The following RABL3 variants were observed in gnomAD, a reference collection of about 807,000 sequenced individuals.
RABL3 encodes RAB, member of RAS oncogene family like 3.
In RABL3, 31 loss-of-function variants were observed where a neutral mutation model predicts 31.8. That is an observed-to-expected ratio of 0.97 (90% confidence interval 0.73 to 1.31). RABL3 has a LOEUF of 1.31. Among genes scored for constraint, RABL3 ranks in the 40% most tolerant of loss-of-function variants. The pLI is 0.00. For missense variants in RABL3, 263 were observed against 279.6 expected (o/e 0.94, Z 0.42); for synonymous variants, 97 against 99.9 (o/e 0.97, Z 0.18).
chr3:120,715,301 G>C (rs114138346), intron 2 of RABL3, among the ~76,000 whole-genome samples: 1 of 152,340 alleles, frequency 6.6e-6, no homozygotes, highest in African/African-American at 2.4e-5. Context: ...CACATTTGGA[G>C]TCTGAGGCAG....
At chr3:120,736,794 C>G (rs1708972585) in intron 1 of RABL3, among the ~76,000 whole-genome samples, 1 of 152,144 alleles carries the variant, frequency 6.6e-6, no homozygotes, top group Non-Finnish European at 1.5e-5. Flanking sequence ...ATTTATGAAG[C>G]TTAGTTTGGC....
At chr3:120,695,072 C>T (rs192272599) in intron 5 of RABL3, among the ~76,000 whole-genome samples, 193 of 151,656 alleles carry the variant, frequency 1.3e-3, no homozygotes, top group Non-Finnish European at 2.3e-3. Context: ...ATCATGTAAG[C>T]TCCTTTGCAA....
At chr3:120,707,047 A>G (rs1030998505) in intron 3 of RABL3, among the ~76,000 whole-genome samples, 1 of 152,130 alleles carries the variant, frequency 6.6e-6, no homozygotes, top group East Asian at 1.9e-4. Context: ...CAAACTCCCA[A>G]CCCTTTTCTA....
chr3:120,713,881 G>A (rs1425014306), intron 2 of RABL3, among the ~76,000 whole-genome samples: 1 of 144,686 alleles, frequency 6.9e-6, no homozygotes, highest in East Asian at 2.1e-4. Context: ...CATGATTTCA[G>A]CTCACTGCAA....
chr3:120,732,977 G>A (rs948735113), intron 1 of RABL3, among the ~76,000 whole-genome samples: 5 of 152,100 alleles, frequency 3.3e-5, no homozygotes, highest in African/African-American at 1.2e-4. Flanking sequence ...GGACATTTGG[G>A]TTGGTTCCAA....
At chr3:120,717,009 T>C (rs750648370) in intron 2 of RABL3, among the ~76,000 whole-genome samples, 1 of 152,040 alleles carries the variant, frequency 6.6e-6, no homozygotes, top group Non-Finnish European at 1.5e-5. Flanking sequence ...TCCCAGCACG[T>C]TGGGAGGCCT....
At chr3:120,712,235 T>A (rs1440832622) in intron 2 of RABL3, among the ~76,000 whole-genome samples, 1 of 152,056 alleles carries the variant, frequency 6.6e-6, no homozygotes, top group African/African-American at 2.4e-5. Context: ...CAGACTGACA[T>A]CAAAGACAGT....
chr3:120,736,941 T>C (rs564411686), intron 1 of RABL3, among the ~76,000 whole-genome samples: 163 of 152,354 alleles, frequency 1.1e-3, no homozygotes, highest in African/African-American at 3.8e-3. Context: ...GACTTTTCTC[T>C]CTGGCTGCCC....
chr3:120,698,736 TC>T (rs2107577486), intron 4 of RABL3, among the ~76,000 whole-genome samples, 163 bp from the exon 5 acceptor site: 1 of 152,358 alleles, frequency 6.6e-6, no homozygotes, highest in East Asian at 1.9e-4. Flanking sequence ...ATCTACTTGT[TC>T]TTTTATCAAT....
intron 4 of RABL3, among the ~76,000 whole-genome samples, 195 bp from the exon 5 acceptor site, chr3:120,698,768 C>T (rs1244228774): frequency 6.6e-6 from 1 of 152,172 alleles, no homozygotes; most frequent in Admixed American, 6.5e-5. Context: ...CATCAGATTC[C>T]AGCTATTCAT....
At chr3:120,725,730 A>C (rs1708811090) in intron 2 of RABL3, among the ~76,000 whole-genome samples, 1 of 152,198 alleles carries the variant, frequency 6.6e-6, no homozygotes, top group Non-Finnish European at 1.5e-5. Context: ...TCTCACTCAT[A>C]GGTGGGAATT....
chr3:120,742,611 T>A (rs1051295934), upstream of RABL3: 1 of 1,134,724 alleles, frequency 8.8e-7, no homozygotes, highest in East Asian at 2.4e-5. Context: ...ACTCGGAGCG[T>A]GACTGTCTTG....
chr3:120,736,336 G>A (rs1262955156), intron 1 of RABL3, among the ~76,000 whole-genome samples: 1 of 152,136 alleles, frequency 6.6e-6, no homozygotes, highest in African/African-American at 2.4e-5. Context: ...GTTGTTTAAA[G>A]TCTGTTTTAT....
chr3:120,736,735 C>G (rs1231326974), intron 1 of RABL3, among the ~76,000 whole-genome samples: 1 of 152,136 alleles, frequency 6.6e-6, no homozygotes, highest in African/African-American at 2.4e-5. Context: ...CTGGTGGTGA[C>G]AAAATCTCTC....
At chr3:120,721,367 C>G (rs551665656) in intron 2 of RABL3, among the ~76,000 whole-genome samples, 1 of 152,294 alleles carries the variant, frequency 6.6e-6, no homozygotes, top group East Asian at 1.9e-4. Flanking sequence ...GGGCTAAATG[C>G]TCCAATTAAA....
chr3:120,727,831 A>T (rs1180795094), intron 2 of RABL3, among the ~76,000 whole-genome samples: 1 of 152,242 alleles, frequency 6.6e-6, no homozygotes, highest in African/African-American at 2.4e-5. Flanking sequence ...TAATGGAATA[A>T]ATCAGAAAAA....
At chr3:120,739,887 C>T (rs976694018) in intron 1 of RABL3, among the ~76,000 whole-genome samples, 7 of 152,132 alleles carry the variant, frequency 4.6e-5, no homozygotes, top group African/African-American at 1.7e-4. Context: ...TTGTATAGCT[C>T]TCCATGAATT....
chr3:120,729,664 T>C (rs1576346170), intron 2 of RABL3, among the ~76,000 whole-genome samples: 1 of 152,082 alleles, frequency 6.6e-6, no homozygotes, highest in Non-Finnish European at 1.5e-5. Flanking sequence ...GTACTTGGAA[T>C]GAAAAACTGT....
chr3:120,692,105 G>C (rs1708386242), intron 6 of RABL3, among the ~76,000 whole-genome samples: 1 of 152,170 alleles, frequency 6.6e-6, no homozygotes, highest in Admixed American at 6.5e-5. Flanking sequence ...CTCTATGGCA[G>C]GACAGGAAAA....
Sources: allele counts gnomAD v4.1 joint callset (sites outside exome capture counted in the v4.1 genomes callset), GRCh38; gene constraint gnomAD v4.1.1; transcripts MANE v1.5; gene names NCBI Gene and HGNC (gene_info 2026-07-23, HGNC 2026-07-21).